OSBPL1A: variants seen among roughly 807,000 people sequenced by gnomAD.
OSBPL1A encodes oxysterol-binding protein-related protein 1.
A neutral mutation model predicts 137.1 loss-of-function variants in OSBPL1A; 80 were observed. The ratio of observed to expected loss-of-function variants is 0.58; its 90% CI spans 0.49 to 0.70. OSBPL1A has a LOEUF of 0.70. OSBPL1A is among the 30% of genes least tolerant of loss of function. OSBPL1A has a pLI of 0.00. For synonymous variants in OSBPL1A, 365 were observed against 389.7 expected (o/e 0.94, Z 0.75); for missense variants, 970 against 1,129.4 (o/e 0.86, Z 2.02).
chr18:24,348,505 G>C (rs913215791), intron 4 of OSBPL1A, among the ~76,000 whole-genome samples: 2 of 151,968 alleles, frequency 1.3e-5, no homozygotes, highest in Non-Finnish European at 2.9e-5. Context: ...AGGCATGGTG[G>C]CTCACGCCTA....
chr18:24,226,880 G>GA (rs577181739), intron 16 of OSBPL1A, among the ~76,000 whole-genome samples: 104 of 139,866 alleles, frequency 7.4e-4, no homozygotes, highest in African/African-American at 2.5e-3. Context: ...TCATAACAAA[G>GA]AAACAGATTT....
chr18:24,220,810 T>C (rs1423623604), intron 17 of OSBPL1A, among the ~76,000 whole-genome samples: 1 of 151,912 alleles, frequency 6.6e-6, no homozygotes, highest in Non-Finnish European at 1.5e-5. Flanking sequence ...GAGATTTTGT[T>C]TTGTTTTGGT....
chr18:24,391,204 A>G (rs1407865145), intron 1 of OSBPL1A, among the ~76,000 whole-genome samples: 1 of 152,244 alleles, frequency 6.6e-6, no homozygotes, highest in African/African-American at 2.4e-5. Flanking sequence ...CAAATATGGT[A>G]TGATTCCACT....
chr18:24,252,838 G>C (rs1009480980), intron 15 of OSBPL1A, among the ~76,000 whole-genome samples: 3 of 152,092 alleles, frequency 2.0e-5, no homozygotes, highest in Non-Finnish European at 4.4e-5. Context: ...GAAGTAAAGT[G>C]TAGAGTTTTG....
intron 15 of OSBPL1A, among the ~76,000 whole-genome samples, chr18:24,262,091 A>G (rs1026276217): frequency 1.3e-5 from 2 of 152,200 alleles, no homozygotes; most frequent in African/African-American, 2.4e-5. Context: ...TCTTCCATAT[A>G]TATCTCATAA....
At chr18:24,394,517 A>G (rs182446710) in intron 1 of OSBPL1A, among the ~76,000 whole-genome samples, 3 of 152,332 alleles carry the variant, frequency 2.0e-5, no homozygotes, top group Admixed American at 1.3e-4. Flanking sequence ...CAGAGCAGGT[A>G]TGAAGAGCAG....
At chr18:24,283,906 T>C (rs1037886850) in intron 14 of OSBPL1A, among the ~76,000 whole-genome samples, 1 of 152,174 alleles carries the variant, frequency 6.6e-6, no homozygotes, top group African/African-American at 2.4e-5. Flanking sequence ...TACAAGTGTT[T>C]GAAAATACTG....
chr18:24,363,920 G>A (rs754972144), intron 4 of OSBPL1A, among the ~76,000 whole-genome samples: 5 of 151,846 alleles, frequency 3.3e-5, no homozygotes, highest in South Asian at 2.1e-4. Context: ...TTACAGGCGT[G>A]AGCCACTGTG....
chr18:24,390,533 A>G (rs1907262351), intron 1 of OSBPL1A, among the ~76,000 whole-genome samples: 2 of 151,764 alleles, frequency 1.3e-5, no homozygotes, highest in South Asian at 4.2e-4. Flanking sequence ...CACCTCTATT[A>G]AAAATACAAA....
intron 15 of OSBPL1A, among the ~76,000 whole-genome samples, chr18:24,245,402 T>C (rs1308444744): frequency 3.9e-5 from 6 of 152,204 alleles, no homozygotes; most frequent in Non-Finnish European, 7.3e-5. Flanking sequence ...TGCTTATTGC[T>C]GTGGCTAGAG....
intron 16 of OSBPL1A, among the ~76,000 whole-genome samples, chr18:24,235,762 C>T (rs1040980101): frequency 1.3e-5 from 2 of 152,178 alleles, no homozygotes; most frequent in African/African-American, 4.8e-5. Flanking sequence ...TGGCAGTCAG[C>T]ACAAGGGCTT....
At chr18:24,164,489 C>T (rs1218349443) in intron 27 of OSBPL1A, among the ~76,000 whole-genome samples, 2 of 114,318 alleles carry the variant, frequency 1.7e-5, no homozygotes, top group Admixed American at 1.1e-4. Flanking sequence ...AGTGCAGTGG[C>T]GCAATCTCAG....
chr18:24,167,294 G>A (rs759836452), intron 25 of OSBPL1A, 35 bp downstream of exon 25: 1 of 1,567,628 alleles, frequency 6.4e-7, no homozygotes, highest in South Asian at 1.1e-5. Context: ...GCTAAACACA[G>A]ACAGTGAGGC....
intron 5 of OSBPL1A, among the ~76,000 whole-genome samples, chr18:24,338,081 T>TC (rs2091207794): frequency 8.6e-6 from 1 of 116,310 alleles, no homozygotes; most frequent in Non-Finnish European, 1.8e-5. Context: ...TTTTCTTTCT[T>TC]TTTTTTTTTT....
At chr18:24,191,851 T>C (rs1347841321) in intron 18 of OSBPL1A, among the ~76,000 whole-genome samples, 1 of 152,170 alleles carries the variant, frequency 6.6e-6, no homozygotes, top group Non-Finnish European at 1.5e-5. Flanking sequence ...AACTGAGTTA[T>C]CCTATAGGAA....
chr18:24,254,576 CTGAATGACCAGT>C lies in OSBPL1A; in HGVS notation c.1282-15206_1282-15195del. On this transcript the variant is annotated intron_variant, in intron 15 of 27. Transcript: ENST00000319481. Reference sequence around the variant, plus strand: ...AACTATACAAACAAACAATATGCTCCTGAATGACCAGTGGGTCAATGAGGAAATTAAGAAATT... The same window carrying C: ...AACTATACAAACAAACAATATGCTCCGGGTCAATGAGGAAATTAAGAAATT... Among the ~76,000 whole-genome samples, 2 of 152,164 alleles carry C rather than the reference CTGAATGACCAGT, an allele frequency of 1.3e-5. 1 individual carries two copies. Among genetic ancestry groups the C allele is most frequent in the South Asian group, 4.2e-4 (2 of 4,810 alleles).
intron 7 of OSBPL1A, among the ~76,000 whole-genome samples, chr18:24,326,903 T>C (rs967978967): frequency 6.6e-6 from 1 of 152,206 alleles, no homozygotes; most frequent in Admixed American, 6.5e-5. Context: ...TATATACTTT[T>C]CTAGTGCTTT....
chr18:24,251,304 C>T (rs933964625), intron 15 of OSBPL1A, among the ~76,000 whole-genome samples: 1 of 152,112 alleles, frequency 6.6e-6, no homozygotes, highest in Admixed American at 6.5e-5. Flanking sequence ...GGCCTTAAGA[C>T]CCATTGTGGT....
intron 17 of OSBPL1A, among the ~76,000 whole-genome samples, chr18:24,221,302 T>A (rs1444627658): frequency 6.6e-6 from 1 of 152,188 alleles, no homozygotes; most frequent in Non-Finnish European, 1.5e-5. Flanking sequence ...TATGTTACAC[T>A]CCTCTTTCCT....
Sources: gnomAD v4.1 joint callset for allele counts (sites outside exome capture counted in the v4.1 genomes callset) on GRCh38, gnomAD v4.1.1 for gene constraint, MANE v1.5 for transcripts, NCBI Gene and HGNC (gene_info 2026-07-23, HGNC 2026-07-21) for gene names.